STAU1: variants seen among roughly 807,000 people sequenced by gnomAD.
STAU1 encodes staufen double-stranded RNA binding protein 1.
STAU1 carries 13 observed loss-of-function variants against 62.9 expected under a neutral mutation model. That is an observed-to-expected ratio of 0.21 (90% CI 0.13 to 0.33). STAU1 has a LOEUF of 0.33. Ranked by LOEUF, STAU1 falls within the 10% of genes least tolerant of loss-of-function variation. The probability of loss-of-function intolerance (pLI) is 1.00; values close to 1 mark genes in which losing one functional copy is unlikely to be tolerated. For missense variants in STAU1, 571 were observed against 712.1 expected (o/e 0.80, Z 2.25); for synonymous variants, 269 against 265.1 (o/e 1.01, Z -0.14).
At chr20:49,177,329 T>C (rs1193047677) in intron 1 of STAU1, among the ~76,000 whole-genome samples, 1 of 151,292 alleles carries the variant, frequency 6.6e-6, no homozygotes, top group Non-Finnish European at 1.5e-5. Context: ...TGAGCTCAGG[T>C]GTTTGAGACC....
chr20:49,161,815 A>C (rs1481678384), intron 3 of STAU1, among the ~76,000 whole-genome samples: 1 of 152,248 alleles, frequency 6.6e-6, no homozygotes, highest in Non-Finnish European at 1.5e-5. Flanking sequence ...ACAAAACTGC[A>C]AATCATTCCA....
intron 6 of STAU1, among the ~76,000 whole-genome samples, chr20:49,127,501 T>C (rs2092655256): frequency 6.7e-6 from 1 of 149,764 alleles, no homozygotes; most frequent in Admixed American, 6.6e-5. Context: ...AGGTCAGGAG[T>C]TTGAGACCAG....
At chr20:49,133,500 G>C (rs1240856030) in intron 6 of STAU1, among the ~76,000 whole-genome samples, 7 of 152,128 alleles carry the variant, frequency 4.6e-5, no homozygotes, top group Non-Finnish European at 8.8e-5. Context: ...CCTGAAACAG[G>C]TGCCGGGGGA....
chr20:49,118,053 C>T lies in STAU1; in HGVS notation c.1233G>A (p.Gln411=), dbSNP rs1344669938. 1 of 1,614,166 alleles carries T rather than the reference C, an allele frequency of 6.2e-7. No individual in the cohort carries two copies. The highest frequency in any genetic ancestry group is 8.5e-7 in the Non-Finnish European group (1 of 1,180,046). Residue 411 remains glutamine (Q), a synonymous_variant, in exon 11 of 14, where the codon CAG becomes CAA. Transcript: ENST00000371856. Reference sequence around the variant, plus strand: ...TGGGAAGAATTCCAGCAGGCAGCTGCTGATGACTTAGATAAGGCATCCTGA... The same window carrying T: ...TGGGAAGAATTCCAGCAGGCAGCTGTTGATGACTTAGATAAGGCATCCTGA... ...DEFRMPYLSH[Q]QLPAGILPMV...
chr20:49,167,821 A>G (rs2093547168), intron 2 of STAU1, among the ~76,000 whole-genome samples: 1 of 152,118 alleles, frequency 6.6e-6, no homozygotes, highest in African/African-American at 2.4e-5. Flanking sequence ...CACTTTTTAA[A>G]ACAAAAAAGT....
chr20:49,179,876 A>C (rs1018825209), intron 1 of STAU1, among the ~76,000 whole-genome samples: 1 of 152,242 alleles, frequency 6.6e-6, no homozygotes, highest in African/African-American at 2.4e-5. Flanking sequence ...TTAGTGATTA[A>C]TGAGACATGC....
At chr20:49,138,691 G>A (rs568456787) in intron 5 of STAU1, among the ~76,000 whole-genome samples, 6 of 152,074 alleles carry the variant, frequency 3.9e-5, no homozygotes, top group East Asian at 3.9e-4. Flanking sequence ...TTGTAGAGAT[G>A]GGGTCTCACT....
At position 49,118,008 on chromosome 20, in the gene STAU1, C is replaced by T. The variant is rs1415098477; in HGVS notation, c.1278G>A (p.Gln426=). The T allele has an allele frequency of 6.2e-7, 1 of 1,614,192 alleles. No homozygotes were observed. Among genetic ancestry groups the T allele is most frequent in the Non-Finnish European group, 8.5e-7 (1 of 1,180,036 alleles). The change falls in exon 11 of 14, where the codon CAG becomes CAA. Residue 426 remains glutamine, a synonymous_variant. Coordinates refer to ENST00000371856, the MANE Select transcript of STAU1 (RefSeq NM_017453.4). ...GATGTCCTTGACTAACTCCTACAGC[C>T]TGGGCGACCTCGGGCACCATGGGAA... The part of the protein sequence containing the change: ...GILPMVPEVA[Q]AVGVSQGHHT...
the STAU1 span, among the ~76,000 whole-genome samples, chr20:49,202,351 C>T: frequency 4.6e-5 from 7 of 152,022 alleles, no homozygotes; most frequent in Non-Finnish European, 7.4e-5. Context: ...CTCTTGAGGT[C>T]GGGAGTTCGA....
chr20:49,134,255 A>C (rs1283378889), intron 6 of STAU1, among the ~76,000 whole-genome samples: 1 of 151,952 alleles, frequency 6.6e-6, no homozygotes. Context: ...AATATGGAGA[A>C]ACCCCGTTTC....
the STAU1 span, among the ~76,000 whole-genome samples, chr20:49,206,761 AT>A: frequency 2.7e-4 from 27 of 101,716 alleles, no homozygotes; most frequent in African/African-American, 9.5e-4. Flanking sequence ...ATTTTATTTT[AT>A]TTTTTTTTTT....
At chr20:49,174,435 G>T (rs1600852447) in intron 1 of STAU1, among the ~76,000 whole-genome samples, 166 bp from the exon 2 acceptor site, 1 of 152,196 alleles carries the variant, frequency 6.6e-6, no homozygotes, top group Non-Finnish European at 1.5e-5. Context: ...AAAGACACAA[G>T]CGGCCAGACA....
In STAU1 at chr20:49,186,385, C is replaced by A. The variant is rs115801804; in HGVS notation, c.-160+1731G>T. Among the ~76,000 whole-genome samples the A allele has an allele frequency of 3.4e-3, 509 of 151,070 alleles. 2 individuals are homozygous for A. The highest frequency in any genetic ancestry group is 0.012 in the African/African-American group (480 of 41,236). ...TCAAACAAACATTTTAAATTACAAA[C>A]AATGGTAAGACTGTCAGAAAATTCT... On this transcript the variant is annotated intron_variant, in intron 1 of 13. Transcript: ENST00000371856.
At chr20:49,199,431 A>G in the STAU1 span, among the ~76,000 whole-genome samples, 1 of 148,888 alleles carries the variant, frequency 6.7e-6, no homozygotes, top group African/African-American at 2.5e-5. Flanking sequence ...GGGTTTCACC[A>G]TGTTGGCCAG....
chr20:49,137,247 C>T (rs184097578), intron 5 of STAU1, among the ~76,000 whole-genome samples: 1 of 152,264 alleles, frequency 6.6e-6, no homozygotes, highest in African/African-American at 2.4e-5. Flanking sequence ...TCATACTCAA[C>T]GGCTGTTGGC....
Position 49,117,299 on chromosome 20 carries a change from G to A in STAU1, c.1510-51C>T. On this transcript the variant is annotated intron_variant, in intron 11 of 13. Transcript: ENST00000371856. This position sits in a 1 kb window ranked among gnomAD's most constrained non-coding sequence, Gnocchi z 4.6. ...TAGGTAGGGAACAGCAAGTATGAGT[G>A]GGCTGGAGGGCTGCAGCTCCAGGCC... The A allele has an allele frequency of 6.2e-7, 1 of 1,600,002 alleles. No individual in the cohort carries two copies. The highest frequency in any genetic ancestry group is 8.5e-7 in the Non-Finnish European group (1 of 1,171,470).
At chr20:49,134,767 T>C in intron 6 of STAU1, 2 of 1,165,578 alleles carry the variant, frequency 1.7e-6, no homozygotes, top group African/African-American at 1.5e-5. Context: ...AAGAAATGTA[T>C]ACACTGGGAA....
chr20:49,165,829 C>T (rs1178499973), intron 3 of STAU1, among the ~76,000 whole-genome samples, 168 bp downstream of exon 3: 2 of 152,058 alleles, frequency 1.3e-5, no homozygotes, highest in Non-Finnish European at 2.9e-5. Context: ...CCTGTCAACC[C>T]CTTACACAAC....
chr20:49,196,444 CAAAAAAA>C, the STAU1 span, among the ~76,000 whole-genome samples: 3 of 91,546 alleles, frequency 3.3e-5, no homozygotes, highest in Non-Finnish European at 4.8e-5. Context: ...CAAAACAAAA[CAAAAAAA>C]AAAAAAAAAG....
Sources: allele counts gnomAD v4.1 joint callset (sites outside exome capture counted in the v4.1 genomes callset), GRCh38; gene constraint gnomAD v4.1.1; non-coding constraint Gnocchi (gnomAD v3.1); transcripts MANE v1.5; gene names NCBI Gene and HGNC (gene_info 2026-07-23, HGNC 2026-07-21).